The following MAP4K3 variants were observed in gnomAD, a reference collection of about 807,000 sequenced individuals.
MAP4K3 encodes mitogen-activated protein kinase kinase kinase kinase 3, also known as MAPK/ERK kinase kinase kinase 3.
In MAP4K3, 94 loss-of-function variants were observed where a neutral mutation model predicts 143.5. The observed-to-expected ratio is 0.65, with a 90% CI of 0.55 to 0.78. MAP4K3 has a LOEUF of 0.78. MAP4K3 is among the 30% of genes least tolerant of loss of function. MAP4K3 has a pLI of 0.00. For synonymous variants in MAP4K3, 416 were observed against 347.2 expected (o/e 1.20, Z -2.20); for missense variants, 1,077 against 1,068.1 (o/e 1.01, Z -0.12).
intron 1 of MAP4K3, among the ~76,000 whole-genome samples, chr2:39,431,016 C>G (rs1393670960): frequency 1.3e-5 from 2 of 152,196 alleles, no homozygotes; most frequent in Admixed American, 1.3e-4. Context: ...TATGGGTCAG[C>G]TACTCTTCTA....
At chr2:39,387,674 G>A (rs979431495) in intron 1 of MAP4K3, among the ~76,000 whole-genome samples, 2 of 152,200 alleles carry the variant, frequency 1.3e-5, no homozygotes, top group African/African-American at 4.8e-5. Context: ...AATCAATAAA[G>A]AGCAAATAAC....
intron 12 of MAP4K3, among the ~76,000 whole-genome samples, chr2:39,321,955 A>G (rs1683323675): frequency 1.3e-5 from 2 of 152,230 alleles, no homozygotes; most frequent in South Asian, 2.1e-4. Context: ...CAAATGATCA[A>G]TAAATACTAA....
At chr2:39,378,847 C>A (rs1271487603) in intron 1 of MAP4K3, among the ~76,000 whole-genome samples, 1 of 151,220 alleles carries the variant, frequency 6.6e-6, no homozygotes, top group Non-Finnish European at 1.5e-5. Flanking sequence ...TATATAAGTA[C>A]ACATAATTAT....
intron 19 of MAP4K3, among the ~76,000 whole-genome samples, chr2:39,290,010 C>T (rs1236040089): frequency 6.7e-6 from 1 of 150,006 alleles, no homozygotes; most frequent in African/African-American, 2.5e-5. Context: ...TTGCTTGAAC[C>T]CGAGAGGAGG....
intron 3 of MAP4K3, among the ~76,000 whole-genome samples, chr2:39,353,494 T>G (rs1406064707): frequency 6.6e-6 from 1 of 152,184 alleles, no homozygotes; most frequent in Admixed American, 6.5e-5. Context: ...AGAACATAGT[T>G]TTACTGAAAA....
chr2:39,351,985 ATCTAT>A (rs1665473545), intron 3 of MAP4K3, among the ~76,000 whole-genome samples: 1 of 152,186 alleles, frequency 6.6e-6, no homozygotes, highest in African/African-American at 2.4e-5. Flanking sequence ...AGTTTAAAAT[ATCTAT>A]TCTAAATAGT....
intron 1 of MAP4K3, among the ~76,000 whole-genome samples, chr2:39,380,144 A>T (rs894173458): frequency 6.6e-6 from 1 of 152,126 alleles, no homozygotes; most frequent in Non-Finnish European, 1.5e-5. Flanking sequence ...AGCTAAAATG[A>T]TTACTGTTCT....
rs555228989 is a variant in MAP4K3 at position 39,301,983 on chromosome 2, C to T, written c.1120-2182G>A. On this transcript the variant is annotated intron_variant, in intron 15 of 33. Coordinates refer to ENST00000263881, the MANE Select transcript of MAP4K3 (RefSeq NM_003618.4). ...AGGTTGCAGTGAGCCAACATTGCGC[C>T]ACTACACTCCAGCTTGGCGACAGAG... 7.3e-5 allele frequency among the ~76,000 whole-genome samples: 11 copies of T among 151,132 alleles called. 1 individual carries two copies. The highest frequency in any genetic ancestry group is 2.7e-4 in the African/African-American group (11 of 41,082).
intron 8 of MAP4K3, 31 bp from the exon 9 acceptor site, chr2:39,326,308 T>A: frequency 6.2e-7 from 1 of 1,608,756 alleles, no homozygotes; most frequent in Non-Finnish European, 8.5e-7. Flanking sequence ...AATAAAAAAC[T>A]TCTGTTATAT....
intron 3 of MAP4K3, 22 bp from the exon 4 acceptor site, chr2:39,343,474 G>GTATC: frequency 6.2e-7 from 1 of 1,601,658 alleles, no homozygotes; most frequent in Non-Finnish European, 8.5e-7. Flanking sequence ...AAAGAAGCAT[G>GTATC]TATCATATTT....
intron 32 of MAP4K3, among the ~76,000 whole-genome samples, chr2:39,253,904 T>C (rs1680245872): frequency 6.6e-6 from 1 of 152,162 alleles, no homozygotes; most frequent in African/African-American, 2.4e-5. Context: ...AAATTATTTC[T>C]GTGAGGTAGG....
intron 1 of MAP4K3, among the ~76,000 whole-genome samples, chr2:39,389,880 A>G (rs1036987125): frequency 3.9e-5 from 6 of 152,218 alleles, no homozygotes; most frequent in Admixed American, 1.3e-4. Flanking sequence ...CTGTAAAAAA[A>G]CAATAATGTC....
chr2:39,278,689 G>A (rs1681379978), intron 23 of MAP4K3, among the ~76,000 whole-genome samples: 1 of 152,190 alleles, frequency 6.6e-6, no homozygotes, highest in Non-Finnish European at 1.5e-5. Flanking sequence ...GCAGTGAAGA[G>A]AATTTTTATG....
chr2:39,250,771 T>G (rs1680125270), intron 33 of MAP4K3, 66 bp from the exon 34 acceptor site: 1 of 1,308,608 alleles, frequency 7.6e-7, no homozygotes, highest in Admixed American at 1.8e-5. Flanking sequence ...AGCTCCCAAA[T>G]TTTCCATTGC....
intron 18 of MAP4K3, among the ~76,000 whole-genome samples, chr2:39,292,004 C>T (rs976534342): frequency 2.6e-5 from 4 of 151,556 alleles, no homozygotes; most frequent in Non-Finnish European, 5.9e-5. Context: ...TACTCAAGTG[C>T]TCTTATCATT....
intron 3 of MAP4K3, among the ~76,000 whole-genome samples, chr2:39,353,850 C>T (rs1372116662): frequency 6.6e-6 from 1 of 151,980 alleles, no homozygotes; most frequent in Non-Finnish European, 1.5e-5. Context: ...ACGTAGTTAC[C>T]CAGGAAGTAC....
chr2:39,257,276 A>G (rs1454009602), intron 31 of MAP4K3, among the ~76,000 whole-genome samples: 1 of 152,194 alleles, frequency 6.6e-6, no homozygotes, highest in Non-Finnish European at 1.5e-5. Context: ...TCCTGAATGT[A>G]GTCATTTAAA....
At chr2:39,430,288 C>A (rs768297797) in intron 1 of MAP4K3, among the ~76,000 whole-genome samples, 1 of 151,984 alleles carries the variant, frequency 6.6e-6, no homozygotes, top group African/African-American at 2.4e-5. Context: ...CTTAAACAAA[C>A]AAAATAAGTG....
In MAP4K3 at chr2:39,295,922, T is replaced by C. The variant is rs188412983; in HGVS notation, c.1179-2654A>G. 1.7e-3 allele frequency among the ~76,000 whole-genome samples: 258 copies of C among 152,236 alleles called. 6 individuals carry two copies. In the East Asian group the frequency reaches 0.024, roughly 14 times the overall value. On this transcript the variant is annotated intron_variant, in intron 16 of 33. Coordinates refer to ENST00000263881, the MANE Select transcript of MAP4K3 (RefSeq NM_003618.4). The stretch of plus-strand genomic sequence containing the variant: ...TCAGTAAAGACTGAGTCTCACTATA[T>C]TGCCCAGGCTGGTCTTGAACTCCCG...
Sources: gnomAD v4.1 joint callset for allele counts (sites outside exome capture counted in the v4.1 genomes callset) on GRCh38, gnomAD v4.1.1 for gene constraint, MANE v1.5 for transcripts, NCBI Gene and HGNC (gene_info 2026-07-23, HGNC 2026-07-21) for gene names.